Variants in HHIP observed in about 807,000 individuals in gnomAD.
HHIP encodes hedgehog interacting protein.
HHIP carries 12 observed loss-of-function variants against 74.0 expected under a neutral mutation model. The ratio of observed to expected loss-of-function variants is 0.16; its 90% CI spans 0.10 to 0.26. HHIP has a LOEUF of 0.26. Among genes scored for constraint, HHIP ranks in the 10% least tolerant of loss-of-function variants. HHIP has a pLI of 1.00. For missense variants in HHIP, 788 were observed against 845.0 expected, an observed-to-expected ratio of 0.93 and a Z score of 0.84; for synonymous variants, 309 against 311.6, an observed-to-expected ratio of 0.99 and a Z score of 0.09.
intron 4 of HHIP, among the ~76,000 whole-genome samples, chr4:144,703,062 A>T (rs951316713): frequency 6.6e-6 from 1 of 152,092 alleles, no homozygotes; most frequent in African/African-American, 2.4e-5. Flanking sequence ...GCTAAAATTC[A>T]AAATTAGCTG....
At chr4:144,682,396 A>G (rs925458443) in intron 4 of HHIP, among the ~76,000 whole-genome samples, 1 of 152,200 alleles carries the variant, frequency 6.6e-6, no homozygotes, top group African/African-American at 2.4e-5. Context: ...GTTTTGACAA[A>G]CCCATTCACT....
intron 4 of HHIP, among the ~76,000 whole-genome samples, chr4:144,697,053 T>G (rs890392420): frequency 6.6e-6 from 1 of 152,038 alleles, no homozygotes; most frequent in African/African-American, 2.4e-5. Flanking sequence ...TTTTTTTAAA[T>G]TTTTTGTTCA....
intron 2 of HHIP, among the ~76,000 whole-genome samples, chr4:144,654,592 T>C (rs1419013695): frequency 6.6e-6 from 1 of 152,176 alleles, no homozygotes; most frequent in Non-Finnish European, 1.5e-5. Flanking sequence ...GCTAATCGAT[T>C]TGTTGCCTGG....
chr4:144,681,926 G>A (rs1388793631), intron 4 of HHIP, among the ~76,000 whole-genome samples: 1 of 152,102 alleles, frequency 6.6e-6, no homozygotes, highest in East Asian at 1.9e-4. Flanking sequence ...AGGAACCTTT[G>A]GAATCATGCC....
At chr4:144,665,567 A>G (rs1027036169) in intron 4 of HHIP, among the ~76,000 whole-genome samples, 1 of 152,234 alleles carries the variant, frequency 6.6e-6, no homozygotes, top group African/African-American at 2.4e-5. Flanking sequence ...ATTATTTTTC[A>G]TAAAGCCAAA....
In HHIP at chr4:144,744,796, A is replaced by G. The variant is rs1382977031; in HGVS notation, c.*6839A>G. 1 of 152,046 alleles carries G rather than the reference A, an allele frequency of 6.6e-6. No homozygotes were observed. The highest frequency in any genetic ancestry group is 6.6e-5 in the Admixed American group (1 of 15,260). The allele number at this position is 152,046 out of a possible 1,614,324, so 9.4% of individuals were successfully genotyped here. On this transcript the variant is annotated 3_prime_UTR_variant, in exon 13 of 13. Coordinates refer to ENST00000296575, the MANE Select transcript of HHIP (RefSeq NM_022475.3). ...TTACTAGGGGGGGATTGTGGGCCCA[A>G]TCGGCATCATAAGCATGTCTGAAGC...
intron 5 of HHIP, 72 bp downstream of exon 5, chr4:144,706,754 T>A: frequency 2.8e-6 from 4 of 1,417,836 alleles, no homozygotes; most frequent in Non-Finnish European, 3.8e-6. Context: ...TAAGTTTTTT[T>A]ATTTAGAAGT....
At position 144,734,877 on chromosome 4, in the gene HHIP, T is replaced by A; in HGVS notation, c.1897T>A (p.Phe633Ile). Reference protein sequence around the residue: ...CCCSPGWEGDFCRTAKCEPAC... With the variant: ...CCCSPGWEGDICRTAKCEPAC... Reference sequence around the variant, plus strand: ...CTGCAGTCCAGGCTGGGAGGGGGACTTCTGCAGAACTGGTTAGTATTTCTG... The same window carrying A: ...CTGCAGTCCAGGCTGGGAGGGGGACATCTGCAGAACTGGTTAGTATTTCTG... The change falls in exon 12 of 13, where the codon TTC (phenylalanine) becomes ATC (isoleucine). Residue 633 changes from phenylalanine to isoleucine, a missense_variant. Physicochemically the swap from Phe to Ile is conservative, Grantham distance 21. Transcript: ENST00000296575. 6.2e-7 allele frequency: 1 copy of A among 1,610,674 alleles called. No individual in the cohort carries two copies. The highest frequency in any genetic ancestry group is 2.2e-5 in the East Asian group (1 of 44,778).
At chr4:144,679,976 T>C (rs1268354120) in intron 4 of HHIP, among the ~76,000 whole-genome samples, 1 of 152,208 alleles carries the variant, frequency 6.6e-6, no homozygotes, top group Non-Finnish European at 1.5e-5. Context: ...TGTGCTTTTA[T>C]CTCTAGCAAT....
rs745393795 is a variant in HHIP at position 144,659,821 on chromosome 4, G to T, written c.814G>T (p.Val272Phe). 7 of 1,611,798 alleles carry T rather than the reference G, an allele frequency of 4.3e-6. No individual in the cohort carries two copies. The Admixed American group carries it at 1.2e-4, about 27-fold the overall frequency. Reference protein sequence around the residue: ...KEPYLDIHKLVQSGIKGGDER... With the variant: ...KEPYLDIHKLFQSGIKGGDER... ...GCCTTATTTGGACATTCACAAACTT[G>T]TTCAAAGTGGAATAAAGGTTGGCTT... Residue 272 changes from valine to phenylalanine, a missense_variant, in exon 4 of 13, where the codon GTT becomes TTT. Around this residue, in one of 3 missense-constraint regions of HHIP, gnomAD observed 373 missense variants for 366.4 expected, o/e 1.02. Transcript: ENST00000296575.
In HHIP at chr4:144,716,029, C is replaced by A. The variant is rs927277521; in HGVS notation, c.1678+599C>A. ...ACCAAAATGTATGCAGCTTAAAAAGCAAAAAAGAAGTTGAAATTGAAATAT... is the reference window on the plus strand; with the variant it reads ...ACCAAAATGTATGCAGCTTAAAAAGAAAAAAAGAAGTTGAAATTGAAATAT... On this transcript the variant is annotated intron_variant, in intron 10 of 12. Coordinates refer to ENST00000296575, the MANE Select transcript of HHIP (RefSeq NM_022475.3). 2.0e-5 allele frequency among the ~76,000 whole-genome samples: 3 copies of A among 151,664 alleles called. No homozygotes were observed. In the East Asian group the frequency reaches 5.8e-4, roughly 29 times the overall value.
intron 1 of HHIP, chr4:144,650,629 A>G (rs1031086308): frequency 1.3e-5 from 2 of 152,178 alleles, no homozygotes; most frequent in African/African-American, 2.4e-5. Flanking sequence ...AACCAAAGCC[A>G]GAATGATGGC....
In HHIP at chr4:144,665,400, A is replaced by G. The variant is rs552095181; in HGVS notation, c.831+5562A>G. On this transcript the variant is annotated intron_variant, in intron 4 of 12. Coordinates refer to ENST00000296575, the MANE Select transcript of HHIP (RefSeq NM_022475.3). The stretch of plus-strand genomic sequence containing the variant: ...TCGACTGCAGTTATTTCTAATATCA[A>G]TGTAGTAATGGCATGGCTTTTAATC... 8.5e-5 allele frequency among the ~76,000 whole-genome samples: 13 copies of G among 152,274 alleles called. No homozygotes were observed. In the South Asian group the frequency reaches 2.5e-3, roughly 29 times the overall value.
At chr4:144,669,224 A>G (rs1728964950) in intron 4 of HHIP, among the ~76,000 whole-genome samples, 2 of 152,210 alleles carry the variant, frequency 1.3e-5, no homozygotes, top group South Asian at 4.1e-4. Flanking sequence ...AGAAATTAAA[A>G]TTATCTTTGG....
intron 4 of HHIP, among the ~76,000 whole-genome samples, chr4:144,701,199 G>A (rs946929899): frequency 6.6e-6 from 1 of 152,086 alleles, no homozygotes; most frequent in Non-Finnish European, 1.5e-5. Flanking sequence ...TTTTACCAGA[G>A]AGCTTCATTC....
chr4:144,698,939 GAA>G (rs1474703650), intron 4 of HHIP, among the ~76,000 whole-genome samples: 1 of 152,134 alleles, frequency 6.6e-6, no homozygotes, highest in Admixed American at 6.6e-5. Context: ...CATTTCCCTA[GAA>G]AAGAGAATGG....
chr4:144,728,685 T>C (rs565333242), intron 11 of HHIP, among the ~76,000 whole-genome samples: 1 of 152,292 alleles, frequency 6.6e-6, no homozygotes, highest in East Asian at 1.9e-4. Flanking sequence ...ATTTAATTTC[T>C]TGCTGTACTT....
intron 12 of HHIP, among the ~76,000 whole-genome samples, chr4:144,737,477 C>G (rs541308701): frequency 4.6e-5 from 7 of 152,296 alleles, no homozygotes; most frequent in African/African-American, 1.7e-4. Context: ...GGACTAAAAT[C>G]TTCATTTTAA....
intron 4 of HHIP, among the ~76,000 whole-genome samples, chr4:144,672,999 G>A (rs529604048): frequency 3.9e-5 from 6 of 152,210 alleles, no homozygotes; most frequent in Admixed American, 2.0e-4. Context: ...GCCTGGCTCC[G>A]GCCCAAACTT....
Sources: gnomAD v4.1 joint callset for allele counts (sites outside exome capture counted in the v4.1 genomes callset) on GRCh38, gnomAD v4.1.1 for gene constraint, gnomAD v4.1.1 regional missense constraint, MANE v1.5 for transcripts, NCBI Gene and HGNC (gene_info 2026-07-23, HGNC 2026-07-21) for gene names.